RIN3: variants seen among roughly 807,000 people sequenced by gnomAD.
The protein encoded by RIN3 is RAB5 interacting protein 3.
In RIN3, 54 loss-of-function variants were observed where a neutral mutation model predicts 76.3. The observed-to-expected ratio is 0.71, with a 90% confidence interval of 0.57 to 0.89. The LOEUF is 0.89. Among genes scored for constraint, RIN3 ranks in the 40% least tolerant of loss-of-function variants. The pLI is 0.00. For synonymous variants in RIN3, 576 were observed against 564.0 expected (o/e 1.02, Z -0.30); for missense variants, 1,256 against 1,322.1 (o/e 0.95, Z 0.78).
Position 92,656,082 on chromosome 14 carries a change from G to A in RIN3, c.2026+3007G>A, listed in dbSNP as rs1188420654. Among the ~76,000 whole-genome samples the A allele has an allele frequency of 6.6e-6, 1 of 152,218 alleles. No individual in the cohort carries two copies. The highest frequency in any genetic ancestry group is 6.5e-5 in the Admixed American group (1 of 15,288). On this transcript the variant is annotated intron_variant, in intron 6 of 9. Transcript: ENST00000216487. This position sits in a 1 kb window ranked among gnomAD's most constrained non-coding sequence, Gnocchi z 5.2. Reference sequence around the variant, plus strand: ...CAGGAGGACACAGAAGGGCATGGGAGGACGTGGAAGGACATGGAAAACTCC... The same window carrying A: ...CAGGAGGACACAGAAGGGCATGGGAAGACGTGGAAGGACATGGAAAACTCC...
rs559738552 is a variant in RIN3, at chr14:92,623,961, C to T, written c.440+8482C>T. ...GAGAGAGTTCGACAGAATTCACTAT[C>T]CCAGGCTGTAGGGTGTTGGAAAAGA... On this transcript the variant is annotated intron_variant, in intron 4 of 9. Coordinates refer to ENST00000216487, the MANE Select transcript of RIN3 (RefSeq NM_024832.5). The surrounding 1 kb of genome is among the most constrained non-coding windows in gnomAD (Gnocchi z 4.9). 1.3e-5 allele frequency among the ~76,000 whole-genome samples: 2 copies of T among 152,306 alleles called. No homozygotes were observed. The highest frequency in any genetic ancestry group is 6.5e-5 in the Admixed American group (1 of 15,302).
chr14:92,588,101 G>A (rs1224899722), intron 3 of RIN3, among the ~76,000 whole-genome samples: 1 of 152,006 alleles, frequency 6.6e-6, no homozygotes, highest in Non-Finnish European at 1.5e-5. Context: ...CCACGAGGGA[G>A]GAGCTCTCAT....
At position 92,688,014 on chromosome 14, in the gene RIN3, C is replaced by T. The variant is rs1347857891; in HGVS notation, c.2720C>T (p.Ala907Val). The change falls in exon 10 of 10, where the codon GCG becomes GTG. Residue 907 changes from alanine (A) to valine (V), a missense_variant. By Grantham distance (64) the Ala-to-Val change is moderately conservative (BLOSUM62 0). Around this residue, in one of 3 missense-constraint regions of RIN3, gnomAD observed 218 missense variants for 174.5 expected, o/e 1.25. Coordinates refer to ENST00000216487, the MANE Select transcript of RIN3 (RefSeq NM_024832.5). ...RADTQAQALCAQCAEKFAVER... is the reference protein window; with the variant it reads ...RADTQAQALCVQCAEKFAVER... ...GACACCCAGGCCCAGGCGCTGTGCGCGCAGTGCGCGGAGAAGTTCGCGGTG... is the reference window on the plus strand; with the variant it reads ...GACACCCAGGCCCAGGCGCTGTGCGTGCAGTGCGCGGAGAAGTTCGCGGTG... The T allele has an allele frequency of 7.0e-6, 11 of 1,581,418 alleles. No homozygotes were observed. Among genetic ancestry groups the T allele is most frequent in the Non-Finnish European group, 6.0e-6 (7 of 1,165,202 alleles).
At chr14:92,575,448 T>G (rs1210907057) in intron 2 of RIN3, among the ~76,000 whole-genome samples, 3 of 152,206 alleles carry the variant, frequency 2.0e-5, no homozygotes, top group South Asian at 2.1e-4. Context: ...GGGTGCTCTA[T>G]CCTGGTACAC....
chr14:92,545,582 C>CTTTTTTTTTTTTT (rs11324822), intron 1 of RIN3, among the ~76,000 whole-genome samples: 3 of 114,712 alleles, frequency 2.6e-5, no homozygotes, highest in Non-Finnish European at 3.5e-5. Context: ...TTTTCTTTTT[C>CTTTTTTTTTTTTT]TTTTTTTTTT....
chr14:92,629,598 C>A (rs368769131), intron 4 of RIN3, among the ~76,000 whole-genome samples: 46 of 152,248 alleles, frequency 3.0e-4, no homozygotes, highest in African/African-American at 1.1e-3. Context: ...GCCTTACGTT[C>A]CCTGCCTCCA....
At chr14:92,609,883 G>GTA (rs1455486631) in intron 3 of RIN3, among the ~76,000 whole-genome samples, 2 of 35,674 alleles carry the variant, frequency 5.6e-5, no homozygotes, top group Admixed American at 9.2e-4. Flanking sequence ...GTGTGTGTGT[G>GTA]TGTATGTATG....
At chr14:92,682,605 CAGA>C (rs1414224181) in intron 8 of RIN3, among the ~76,000 whole-genome samples, 1 of 152,064 alleles carries the variant, frequency 6.6e-6, no homozygotes, top group Non-Finnish European at 1.5e-5. Context: ...GGGTTCCAGG[CAGA>C]AGGAAGGGTG....
rs3742715 is a variant in RIN3, at chr14:92,668,971, A to G, written c.2336-7504A>G. ...TTTATCAAATAAATTCATTCATTCA[A>G]CCGTTCAACAAACTTTTTTTGACAA... On this transcript the variant is annotated intron_variant, in intron 7 of 9. Coordinates refer to ENST00000216487, the MANE Select transcript of RIN3 (RefSeq NM_024832.5). 3.4e-3 allele frequency among the ~76,000 whole-genome samples: 520 copies of G among 152,312 alleles called. 13 individuals carry two copies. The South Asian group carries it at 0.057, about 17-fold the overall frequency.
Position 92,513,892 on chromosome 14 carries a change from G to C in RIN3, c.-41G>C. The C allele has an allele frequency of 8.0e-7, 1 of 1,249,464 alleles. No individual in the cohort carries two copies. Among genetic ancestry groups the C allele is most frequent in the East Asian group, 3.2e-5 (1 of 31,224 alleles). 77.4% of individuals were successfully genotyped at this position (1,249,464 alleles called of 1,614,324 possible). A position where few individuals can be genotyped will look rare whatever the true frequency, so the allele number is the denominator to read the frequency against. On this transcript the variant is annotated 5_prime_UTR_variant, in exon 1 of 10. Coordinates refer to ENST00000216487, the MANE Select transcript of RIN3 (RefSeq NM_024832.5). ...GACTCCGCGTTCCGCGCGGCCCGGC[G>C]CCTGAGCGCCTCCGTTCCCCGTCCC...
intron 4 of RIN3, among the ~76,000 whole-genome samples, chr14:92,634,994 G>A (rs1315807563): frequency 6.6e-6 from 1 of 152,196 alleles, no homozygotes; most frequent in East Asian, 1.9e-4. Context: ...GTATAAATGG[G>A]TATGGTGGCC....
chr14:92,519,803 C>G (rs1056230018), intron 1 of RIN3, among the ~76,000 whole-genome samples: 1 of 152,206 alleles, frequency 6.6e-6, no homozygotes, highest in African/African-American at 2.4e-5. Flanking sequence ...GCCAGCGTGG[C>G]CTTGATGGAG....
chr14:92,561,100 A>G (rs1404485820), intron 2 of RIN3, among the ~76,000 whole-genome samples: 2 of 128,684 alleles, frequency 1.6e-5, no homozygotes, highest in African/African-American at 5.7e-5. Context: ...TGCCATATAT[A>G]TGCCATATTT....
At chr14:92,664,618 C>A (rs887478384) in intron 7 of RIN3, among the ~76,000 whole-genome samples, 1 of 152,034 alleles carries the variant, frequency 6.6e-6, no homozygotes, top group African/African-American at 2.4e-5. Context: ...GTTCTGCCCG[C>A]CTCGGCCTCC....
chr14:92,517,121 A>C (rs1383579787), intron 1 of RIN3, among the ~76,000 whole-genome samples: 1 of 152,204 alleles, frequency 6.6e-6, no homozygotes, highest in Non-Finnish European at 1.5e-5. Context: ...TGTCATGGCA[A>C]GACATGGCAA....
chr14:92,556,392 G>A (rs1446400482), intron 2 of RIN3, among the ~76,000 whole-genome samples: 1 of 152,218 alleles, frequency 6.6e-6, no homozygotes, highest in Non-Finnish European at 1.5e-5. Flanking sequence ...AAGGGGCTGT[G>A]TGATGGAGTC....
intron 9 of RIN3, 32 bp from the exon 10 acceptor site, chr14:92,687,894 G>A (rs1256288649): frequency 2.0e-6 from 3 of 1,508,070 alleles, no homozygotes; most frequent in Admixed American, 2.3e-5. Flanking sequence ...ACAGGGCCCC[G>A]CCGTGACCAC....
intron 1 of RIN3, among the ~76,000 whole-genome samples, chr14:92,517,015 G>C (rs1595382489): frequency 6.6e-6 from 1 of 152,236 alleles, no homozygotes; most frequent in East Asian, 1.9e-4. Flanking sequence ...GAGGTGGTCT[G>C]TGGTGCCTCC....
chr14:92,525,836 G>A (rs960862441), intron 1 of RIN3, among the ~76,000 whole-genome samples: 1 of 152,208 alleles, frequency 6.6e-6, no homozygotes, highest in Admixed American at 6.5e-5. Flanking sequence ...TTGTGGGGAC[G>A]CAGGAGTGAT....
Sources: gnomAD v4.1 joint callset for allele counts (sites outside exome capture counted in the v4.1 genomes callset) on GRCh38, gnomAD v4.1.1 for gene constraint, gnomAD v4.1.1 regional missense constraint, Gnocchi (gnomAD v3.1) non-coding constraint, MANE v1.5 for transcripts, NCBI Gene and HGNC (gene_info 2026-07-23, HGNC 2026-07-21) for gene names.